The following MMP16 variants were observed in gnomAD, a reference collection of about 807,000 sequenced individuals.
MMP16 encodes the protein matrix metallopeptidase 16.
A neutral mutation model predicts 67.8 loss-of-function variants in MMP16; 12 were observed. The observed-to-expected ratio is 0.18, with a 90% confidence interval of 0.11 to 0.29. The LOEUF is 0.29. MMP16 is among the 10% of genes least tolerant of loss of function. MMP16 has a pLI of 1.00. For synonymous variants in MMP16, 249 were observed against 255.9 expected (o/e 0.97, Z 0.26); for missense variants, 475 against 765.7 (o/e 0.62, Z 4.48).
intron 6 of MMP16, among the ~76,000 whole-genome samples, chr8:88,098,832 G>A (rs16878034): frequency 0.08 from 12,208 of 151,856 alleles, 510 homozygotes; most frequent in South Asian, 0.1. Context: ...AAGCCTGTAT[G>A]TAAACAAAAT....
At chr8:88,188,907 G>A (rs985591407) in intron 2 of MMP16, among the ~76,000 whole-genome samples, 5 of 152,080 alleles carry the variant, frequency 3.3e-5, no homozygotes, top group African/African-American at 9.6e-5. Context: ...TGCTTGCCTC[G>A]GCCTCCCAAA....
At chr8:88,223,512 C>T (rs963198702) in intron 1 of MMP16, among the ~76,000 whole-genome samples, 6 of 151,614 alleles carry the variant, frequency 4.0e-5, no homozygotes, top group African/African-American at 7.3e-5. Context: ...ACTATGCAGC[C>T]GTAAAAAGGA....
intron 8 of MMP16, 133 bp downstream of exon 8, chr8:88,055,994 AT>A: frequency 5.3e-6 from 3 of 561,626 alleles, no homozygotes; most frequent in East Asian, 3.5e-5. Context: ...ATGTAAAACA[AT>A]TTTTAATTGC....
At chr8:88,056,605 C>T (rs1473235972) in intron 7 of MMP16, among the ~76,000 whole-genome samples, 1 of 152,070 alleles carries the variant, frequency 6.6e-6, no homozygotes, top group African/African-American at 2.4e-5. Context: ...AAGGATTCTT[C>T]CCCTAAGAAT....
rs934849872 is a variant in MMP16, at chr8:88,327,245, G to C, written c.-39C>G. The stretch of plus-strand genomic sequence containing the variant: ...TCAATGGATGGACGAGCTCCCCTTC[G>C]TTTTCTCCCTCTCTCCCTCTCCCTC... On this transcript the variant is annotated 5_prime_UTR_variant, in exon 1 of 10. Transcript: ENST00000286614. 2 of 1,611,560 alleles carry C rather than the reference G, an allele frequency of 1.2e-6. No individual in the cohort carries two copies. Among genetic ancestry groups the C allele is most frequent in the Non-Finnish European group, 8.5e-7 (1 of 1,178,488 alleles).
chr8:88,314,356 T>C (rs866542387), intron 1 of MMP16, among the ~76,000 whole-genome samples: 4 of 152,240 alleles, frequency 2.6e-5, no homozygotes, highest in Admixed American at 6.5e-5. Flanking sequence ...TCAATTTAAA[T>C]ATACAGAATT....
chr8:88,258,056 T>C (rs1810331379), intron 1 of MMP16, among the ~76,000 whole-genome samples: 1 of 151,330 alleles, frequency 6.6e-6, no homozygotes, highest in East Asian at 2.0e-4. Context: ...TTTTTTTTTT[T>C]TTTCTTTGAG....
intron 7 of MMP16, among the ~76,000 whole-genome samples, chr8:88,073,115 G>T (rs1235395028): frequency 6.6e-6 from 1 of 152,160 alleles, no homozygotes; most frequent in Non-Finnish European, 1.5e-5. Context: ...AGGCTAGTCG[G>T]AACTTAACCT....
chr8:88,107,690 A>G (rs1809266161), intron 6 of MMP16, among the ~76,000 whole-genome samples: 1 of 151,124 alleles, frequency 6.6e-6, no homozygotes, highest in Admixed American at 6.6e-5. Context: ...AGTTCTGCAC[A>G]TTTCTTTACA....
rs773788284 is a variant in MMP16, at chr8:88,114,617, G to A, written c.1083+1890C>T. 3.3e-5 allele frequency among the ~76,000 whole-genome samples: 5 copies of A among 151,836 alleles called. No homozygotes were observed. The South Asian group carries it at 6.2e-4, about 19-fold the overall frequency. ...AAAGTATGAAATTATGTGACAAAAC[G>A]TTCTCTAGGCAAATGGATATTACAA... On this transcript the variant is annotated intron_variant, in intron 6 of 9. Transcript: ENST00000286614.
chr8:88,130,759 C>T (rs1194006841), intron 4 of MMP16, among the ~76,000 whole-genome samples: 3 of 146,632 alleles, frequency 2.0e-5, no homozygotes, highest in African/African-American at 7.5e-5. Flanking sequence ...TTGTGAAATA[C>T]GTGTGTGTGT....
chr8:88,074,011 T>C (rs1318918533), intron 7 of MMP16, among the ~76,000 whole-genome samples: 2 of 152,196 alleles, frequency 1.3e-5, no homozygotes, highest in East Asian at 1.9e-4. Flanking sequence ...AATAAAATAA[T>C]AGGCAGTTGC....
At chr8:88,239,648 T>G (rs1295106143) in intron 1 of MMP16, among the ~76,000 whole-genome samples, 1 of 152,156 alleles carries the variant, frequency 6.6e-6, no homozygotes, top group African/African-American at 2.4e-5. Flanking sequence ...TGCTAAGAGT[T>G]TCATCTAAGC....
intron 1 of MMP16, among the ~76,000 whole-genome samples, chr8:88,229,690 T>C (rs1294067763): frequency 1.4e-5 from 2 of 147,540 alleles, no homozygotes; most frequent in African/African-American, 5.0e-5. Context: ...AATCACCTAG[T>C]GATTGTTAGA....
At chr8:88,077,045 AG>A (rs35250974) in intron 6 of MMP16, among the ~76,000 whole-genome samples, 1 of 152,172 alleles carries the variant, frequency 6.6e-6, no homozygotes, top group Non-Finnish European at 1.5e-5. Flanking sequence ...GCCACTAATA[AG>A]GGGAGAAGTA....
intron 4 of MMP16, among the ~76,000 whole-genome samples, chr8:88,153,286 C>A (rs1160878581): frequency 1.3e-5 from 2 of 152,114 alleles, no homozygotes. Context: ...AATGGCCATA[C>A]TGCCCAAGGT....
intron 1 of MMP16, among the ~76,000 whole-genome samples, chr8:88,239,887 T>C (rs575797926): frequency 1.3e-5 from 2 of 152,346 alleles, no homozygotes; most frequent in East Asian, 3.9e-4. Flanking sequence ...CTTTTATGCA[T>C]TTCTTAAAAC....
At chr8:88,326,849 A>G (rs1432243968) in intron 1 of MMP16, 7 of 471,388 alleles carry the variant, frequency 1.5e-5, no homozygotes. Context: ...TGTGTCTTTG[A>G]GCGCGCAGCA....
chr8:88,232,582 G>A (rs576773341), intron 1 of MMP16, among the ~76,000 whole-genome samples: 1 of 152,238 alleles, frequency 6.6e-6, no homozygotes, highest in Admixed American at 6.5e-5. Context: ...ATCACATTAT[G>A]TCCTAGAGTT....
Sources: allele counts gnomAD v4.1 joint callset (sites outside exome capture counted in the v4.1 genomes callset), GRCh38; gene constraint gnomAD v4.1.1; transcripts MANE v1.5; gene names NCBI Gene and HGNC (gene_info 2026-07-23, HGNC 2026-07-21).